PARVB: variants seen among roughly 807,000 people sequenced by gnomAD.
PARVB encodes beta-parvin.
PARVB carries 46 observed loss-of-function variants against 47.0 expected under a neutral mutation model. The ratio of observed to expected loss-of-function variants is 0.98; its 90% CI spans 0.77 to 1.25. The LOEUF is 1.25. PARVB is among the 50% of genes most tolerant of loss of function. The pLI is 0.00. For synonymous variants in PARVB, 196 were observed against 196.3 expected, an observed-to-expected ratio of 1.00 and a Z score of 0.01; for missense variants, 473 against 471.6, an observed-to-expected ratio of 1.00 and a Z score of -0.03.
At chr22:44,070,106 A>C (rs1269315401) in intron 1 of PARVB, among the ~76,000 whole-genome samples, 1 of 152,212 alleles carries the variant, frequency 6.6e-6, no homozygotes, top group East Asian at 1.9e-4. Context: ...GGCTTTCTGC[A>C]TCCCAGGGAC....
chr22:44,154,236 G>A (rs761374763), intron 10 of PARVB, among the ~76,000 whole-genome samples: 9 of 152,024 alleles, frequency 5.9e-5, no homozygotes, highest in Non-Finnish European at 1.0e-4. Context: ...GTACTATATA[G>A]AGTCTTAAAA....
At chr22:44,100,263 A>T in intron 3 of PARVB, 140 bp downstream of exon 3, 1 of 701,798 alleles carries the variant, frequency 1.4e-6, no homozygotes, top group South Asian at 1.7e-5. Context: ...GTGGGCAGAC[A>T]TGTTGGCAGA....
intron 3 of PARVB, chr22:44,110,584 A>G (rs1329782241): frequency 6.6e-6 from 1 of 151,774 alleles, no homozygotes; most frequent in East Asian, 1.9e-4. Flanking sequence ...TTACATATGC[A>G]TTTTATTTTA....
intron 2 of PARVB, among the ~76,000 whole-genome samples, chr22:44,014,874 G>A (rs965473369): frequency 1.3e-4 from 20 of 150,554 alleles, no homozygotes; most frequent in Non-Finnish European, 2.2e-4. Context: ...TTTTTGAGAC[G>A]GAATCTCACT....
At chr22:44,086,683 A>T (rs2052032100) in intron 1 of PARVB, 2 of 885,370 alleles carry the variant, frequency 2.3e-6, no homozygotes, top group African/African-American at 3.6e-5. Context: ...TTTTAACTCC[A>T]CTGAGCTGCA....
At chr22:44,038,765 G>C (rs1460748575) in intron 1 of PARVB, among the ~76,000 whole-genome samples, 1 of 152,072 alleles carries the variant, frequency 6.6e-6, no homozygotes, top group Non-Finnish European at 1.5e-5. Flanking sequence ...CTGGGCGACA[G>C]AGTGAGACTC....
chr22:44,121,558 T>TA (rs60091880), intron 4 of PARVB, among the ~76,000 whole-genome samples: 44,909 of 149,304 alleles, frequency 0.3, 6,739 homozygotes, highest in East Asian at 0.42. Flanking sequence ...TGTCCTTTTT[T>TA]AAAAAAAAAA....
chr22:44,043,073 G>A (rs149939747), intron 1 of PARVB, among the ~76,000 whole-genome samples: 142 of 152,282 alleles, frequency 9.3e-4, no homozygotes, highest in African/African-American at 3.2e-3. Context: ...ATTCAGCAAC[G>A]AAAAGGAATG....
In PARVB at chr22:44,151,733, G is replaced by A. The variant is rs931607081; in HGVS notation, c.843+182G>A. On this transcript the variant is annotated intron_variant, in intron 10 of 12. Transcript: ENST00000338758. ...AGCCCCTCTGTCTTCCTTTCCTGGG[G>A]CTGCTGCCACAAAGCACCACAAACC... is the stretch of plus-strand genomic sequence containing the variant. 3 of 571,926 alleles carry A rather than the reference G, an allele frequency of 5.2e-6. No individual in the cohort carries two copies. The African/African-American group carries it at 5.6e-5, about 11-fold the overall frequency. 35.4% of individuals were successfully genotyped at this position (571,926 alleles called of 1,614,324 possible).
At chr22:44,100,551 C>T (rs1484818274) in intron 3 of PARVB, among the ~76,000 whole-genome samples, 10 of 152,106 alleles carry the variant, frequency 6.6e-5, no homozygotes, top group Admixed American at 1.3e-4. Context: ...CATCTGATGC[C>T]GATGCCTGCG....
chr22:44,156,766 G>C (rs1324440393), intron 10 of PARVB, among the ~76,000 whole-genome samples: 1 of 152,100 alleles, frequency 6.6e-6, no homozygotes, highest in East Asian at 1.9e-4. Flanking sequence ...TAGCATAAGC[G>C]AGACACAAAA....
intron 1 of PARVB, among the ~76,000 whole-genome samples, chr22:44,075,526 G>A (rs758661964): frequency 9.9e-5 from 15 of 152,160 alleles, no homozygotes; most frequent in Non-Finnish European, 1.9e-4. Flanking sequence ...CTTGGTGCTG[G>A]ACATTGTGTA....
intron 12 of PARVB, among the ~76,000 whole-genome samples, chr22:44,167,409 G>C (rs1349140701): frequency 6.6e-6 from 1 of 152,178 alleles, no homozygotes; most frequent in Non-Finnish European, 1.5e-5. Context: ...CAGCGAGGCT[G>C]TCTGGAAGTT....
At chr22:44,026,440 C>T (rs1603424452) in intron 1 of PARVB, 2 of 710,916 alleles carry the variant, frequency 2.8e-6, no homozygotes, top group Middle Eastern at 7.2e-4. Context: ...GGGCCACAAA[C>T]CCTCCTTGGA....
intron 4 of PARVB, among the ~76,000 whole-genome samples, chr22:44,123,037 G>A (rs1323538435): frequency 6.6e-6 from 1 of 152,232 alleles, no homozygotes; most frequent in Non-Finnish European, 1.5e-5. Flanking sequence ...GACCACTGTA[G>A]AGGAAGGAAT....
intron 1 of PARVB, among the ~76,000 whole-genome samples, chr22:44,044,224 T>C (rs1486618550): frequency 6.7e-6 from 1 of 148,510 alleles, no homozygotes; most frequent in African/African-American, 2.5e-5. Flanking sequence ...GGAGTCTCGC[T>C]CTGTTGTCAA....
chr22:44,064,303 T>C (rs1279699299), intron 1 of PARVB, among the ~76,000 whole-genome samples: 1 of 152,220 alleles, frequency 6.6e-6, no homozygotes, highest in Non-Finnish European at 1.5e-5. Flanking sequence ...CCACGTGTTT[T>C]GTGGAGACGA....
intron 3 of PARVB, chr22:44,113,830 G>C (rs991913721): frequency 1.1e-4 from 7 of 61,472 alleles, no homozygotes; most frequent in Admixed American, 1.5e-4. Context: ...TTGTTACTAA[G>C]TAAGGCCCTG....
At chr22:44,015,522 A>G (rs1466474120) in intron 2 of PARVB, among the ~76,000 whole-genome samples, 1 of 152,176 alleles carries the variant, frequency 6.6e-6, no homozygotes, top group Non-Finnish European at 1.5e-5. Flanking sequence ...CCATCTACAT[A>G]ATACATAGGA....
Sources: allele counts gnomAD v4.1 joint callset (sites outside exome capture counted in the v4.1 genomes callset), GRCh38; gene constraint gnomAD v4.1.1; transcripts MANE v1.5; gene names NCBI Gene and HGNC (gene_info 2026-07-23, HGNC 2026-07-21).